UBE4B: variants seen among roughly 807,000 people sequenced by gnomAD.
UBE4B encodes the protein ubiquitination factor E4B.
UBE4B carries 27 observed loss-of-function variants against 148.1 expected under a neutral mutation model. The observed-to-expected ratio is 0.18, with a 90% CI of 0.13 to 0.25. The LOEUF (loss-of-function observed/expected upper bound fraction) is 0.25. Ranked by LOEUF, UBE4B falls within the 10% of genes least tolerant of loss-of-function variation. UBE4B has a pLI of 1.00. For missense variants in UBE4B, 1,170 were observed against 1,662.4 expected, an observed-to-expected ratio of 0.70 and a Z score of 5.15; for synonymous variants, 596 against 619.3, an observed-to-expected ratio of 0.96 and a Z score of 0.56.
At chr1:10,109,837 G>A (rs1457336953) in intron 7 of UBE4B, among the ~76,000 whole-genome samples, 2 of 152,062 alleles carry the variant, frequency 1.3e-5, no homozygotes, top group African/African-American at 4.8e-5. Context: ...TTTTAGCAGA[G>A]ACAGGATTTC....
chr1:10,157,570 G>A (rs1292300521), intron 21 of UBE4B, among the ~76,000 whole-genome samples: 1 of 152,136 alleles, frequency 6.6e-6, no homozygotes, highest in Non-Finnish European at 1.5e-5. Context: ...ATGAGGCCAA[G>A]AGATCGAGAC....
intron 23 of UBE4B, among the ~76,000 whole-genome samples, chr1:10,167,097 A>T (rs1436795964): frequency 1.3e-5 from 2 of 151,688 alleles, no homozygotes; most frequent in Non-Finnish European, 1.5e-5. Flanking sequence ...GTGCCACTGC[A>T]CTCTAGCCTG....
intron 1 of UBE4B, among the ~76,000 whole-genome samples, chr1:10,038,126 C>T (rs1242726801): frequency 6.6e-6 from 1 of 151,760 alleles, no homozygotes; most frequent in Non-Finnish European, 1.5e-5. Context: ...ACTAAAAATA[C>T]AAAATTAGCT....
intron 21 of UBE4B, among the ~76,000 whole-genome samples, chr1:10,154,341 C>G (rs944648418): frequency 6.6e-6 from 1 of 151,568 alleles, no homozygotes. Context: ...TAGCTTGAAC[C>G]CGGGAGGTGG....
At chr1:10,079,255 C>A (rs535676620) in intron 2 of UBE4B, among the ~76,000 whole-genome samples, 2 of 152,212 alleles carry the variant, frequency 1.3e-5, no homozygotes, top group South Asian at 4.1e-4. Flanking sequence ...GCCTCCCGGG[C>A]TCAAGTGATT....
intron 23 of UBE4B, among the ~76,000 whole-genome samples, chr1:10,167,441 A>AAAAAATAATAAT (rs371641855): frequency 2.0e-5 from 3 of 147,166 alleles, no homozygotes; most frequent in African/African-American, 7.6e-5. Flanking sequence ...CCGTCTCAAA[A>AAAAAATAATAAT]AATAATAATA....
intron 3 of UBE4B, 113 bp downstream of exon 3, chr1:10,095,709 C>A (rs1334881533): frequency 1.6e-6 from 2 of 1,215,626 alleles, no homozygotes; most frequent in Non-Finnish European, 2.3e-6. Context: ...CCATGCCAGT[C>A]CTTAGCAAAT....
chr1:10,051,023 T>G (rs1644030272), intron 1 of UBE4B, among the ~76,000 whole-genome samples: 1 of 152,108 alleles, frequency 6.6e-6, no homozygotes, highest in South Asian at 2.1e-4. Flanking sequence ...TGCTTTTTGT[T>G]TTGAGACAGG....
chr1:10,082,482 A>G (rs146568292), intron 2 of UBE4B, among the ~76,000 whole-genome samples: 149 of 152,250 alleles, frequency 9.8e-4, no homozygotes, highest in African/African-American at 3.1e-3. Flanking sequence ...CCTGGACAAC[A>G]GAGTGAGACT....
rs760766057 is a variant in UBE4B, at chr1:10,117,408, C to G, written c.1197-51C>G. 4 of 1,605,458 alleles carry G rather than the reference C, an allele frequency of 2.5e-6. No individual in the cohort carries two copies. The African/African-American group carries it at 5.4e-5, about 22-fold the overall frequency. On this transcript the variant is annotated intron_variant, in intron 7 of 27. Coordinates refer to ENST00000343090, the MANE Select transcript of UBE4B (RefSeq NM_001105562.3). ...TCTGCTGCAGAAATGCAAACTCTGC[C>G]AAAAATAATCAAGAGATAAGAATCA...
At chr1:10,158,714 G>A (rs1026808566) in intron 22 of UBE4B, among the ~76,000 whole-genome samples, 5 of 152,116 alleles carry the variant, frequency 3.3e-5, no homozygotes, top group Admixed American at 2.0e-4. Context: ...GTACACAAGC[G>A]AAGATTGTAT....
At chr1:10,107,124 G>T in intron 7 of UBE4B, 1 of 1,165,594 alleles carries the variant, frequency 8.6e-7, no homozygotes, top group Non-Finnish European at 1.1e-6. Context: ...AAAAGTTTTA[G>T]TGTATGGTTT....
At chr1:10,150,424 A>G (rs2101985865) in intron 20 of UBE4B, among the ~76,000 whole-genome samples, 1 of 152,362 alleles carries the variant, frequency 6.6e-6, no homozygotes, top group South Asian at 2.1e-4. Context: ...AGATTAAAAA[A>G]AAACTATCAA....
chr1:10,035,487 C>T (rs1185391210), intron 1 of UBE4B, among the ~76,000 whole-genome samples: 1 of 141,892 alleles, frequency 7.0e-6, no homozygotes. Context: ...AGCTCTGCCT[C>T]CCGGGTTCAC....
chr1:10,101,190 G>T lies in UBE4B; in HGVS notation c.430G>T (p.Asp144Tyr). 1 of 1,614,130 alleles carries T rather than the reference G, an allele frequency of 6.2e-7. No homozygotes were observed. The highest frequency in any genetic ancestry group is 8.5e-7 in the Non-Finnish European group (1 of 1,179,980). ...NDRREKRSLSDKEPSSGPEVS... is the reference protein window; with the variant it reads ...NDRREKRSLSYKEPSSGPEVS... The stretch of plus-strand genomic sequence containing the variant: ...TCGAAGAGAAAAGCGGAGCCTCAGT[G>T]ATAAGGTTGGTAAGCGATGAAGCCC... The change falls in exon 4 of 28, where the codon GAT (aspartate) becomes TAT (tyrosine). Residue 144 changes from aspartate (D) to tyrosine (Y), a missense_variant. Physicochemically the swap from Asp to Tyr is radical, Grantham distance 160. Around this residue, in one of 6 missense-constraint regions of UBE4B, gnomAD observed 91 missense variants for 120.5 expected, o/e 0.76. Transcript: ENST00000343090.
In UBE4B at chr1:10,117,584, A is replaced by G. The variant is rs143511579; in HGVS notation, c.1322A>G (p.Glu441Gly). The G allele has an allele frequency of 1.4e-4, 225 of 1,576,506 alleles. No homozygotes were observed. Among genetic ancestry groups the G allele is most frequent in the Non-Finnish European group, 1.7e-4 (201 of 1,168,644 alleles). Residue 441 changes from glutamate (E) to glycine (G), a missense_variant, in exon 8 of 28, where the codon GAA becomes GGA. Around this residue, in one of 6 missense-constraint regions of UBE4B, gnomAD observed 388 missense variants for 536.0 expected, o/e 0.72. Coordinates refer to ENST00000343090, the MANE Select transcript of UBE4B (RefSeq NM_001105562.3). Reference sequence around the variant, plus strand: ...TGTTTCGACCGAGTTGGAATAGAGGAAAAAAAAGCACCAAAGGTAATATGA... The same window carrying G: ...TGTTTCGACCGAGTTGGAATAGAGGGAAAAAAAGCACCAAAGGTAATATGA... ...IECFDRVGIE[E>G]KKAPKMCSQP...
intron 24 of UBE4B, among the ~76,000 whole-genome samples, chr1:10,170,766 AC>A (rs1315094035): frequency 1.3e-5 from 2 of 152,284 alleles, no homozygotes; most frequent in South Asian, 2.1e-4. Flanking sequence ...CTGACTCAAA[AC>A]TTTTTTTGCT....
intron 20 of UBE4B, among the ~76,000 whole-genome samples, chr1:10,149,947 T>C (rs969061173): frequency 6.6e-5 from 10 of 152,140 alleles, no homozygotes; most frequent in Admixed American, 2.0e-4. Flanking sequence ...AAGACCAGTC[T>C]GGGCAATGCA....
At chr1:10,173,761 G>A (rs561836475) in intron 25 of UBE4B, among the ~76,000 whole-genome samples, 1 of 152,164 alleles carries the variant, frequency 6.6e-6, no homozygotes, top group Non-Finnish European at 1.5e-5. Flanking sequence ...CCCTCTCCAG[G>A]GTGGTTGTGC....
Sources: gnomAD v4.1 joint callset for allele counts (sites outside exome capture counted in the v4.1 genomes callset) on GRCh38, gnomAD v4.1.1 for gene constraint, gnomAD v4.1.1 regional missense constraint, MANE v1.5 for transcripts, NCBI Gene and HGNC (gene_info 2026-07-23, HGNC 2026-07-21) for gene names.